The following BPIFB4 variants were observed in gnomAD, a reference collection of about 807,000 sequenced individuals.
The protein encoded by BPIFB4 is BPI fold-containing family B member 4.
Under a neutral mutation model 69.2 loss-of-function variants are expected in BPIFB4, and 62 were observed. The observed-to-expected ratio is 0.90, with a 90% CI of 0.73 to 1.11. The LOEUF (loss-of-function observed/expected upper bound fraction) is 1.11, where lower values mean the gene tolerates loss of function less well. Among genes scored for constraint, BPIFB4 ranks in the 50% least tolerant of loss-of-function variants. The pLI is 0.00. For missense variants in BPIFB4, 789 were observed against 792.0 expected, an observed-to-expected ratio of 1.00 and a Z score of 0.04; for synonymous variants, 330 against 332.7, an observed-to-expected ratio of 0.99 and a Z score of 0.09.
intron 14 of BPIFB4, among the ~76,000 whole-genome samples, chr20:33,102,550 GC>G (rs963549147): frequency 2.0e-5 from 3 of 152,228 alleles, no homozygotes; most frequent in Non-Finnish European, 4.4e-5. Context: ...TTACCCTGGA[GC>G]CTGCTCCACT....
At chr20:33,089,723 C>A (rs1255053817) in intron 9 of BPIFB4, among the ~76,000 whole-genome samples, 165 bp downstream of exon 9, 1 of 75,294 alleles carries the variant, frequency 1.3e-5, no homozygotes, top group Non-Finnish European at 2.7e-5. Flanking sequence ...CCTCTTGCTC[C>A]CAAACACCCC....
At chr20:33,086,796 C>T (rs1266663397) in intron 7 of BPIFB4, among the ~76,000 whole-genome samples, 1 of 152,160 alleles carries the variant, frequency 6.6e-6, no homozygotes, top group Admixed American at 6.5e-5. Context: ...AGTCTCCATC[C>T]TCTGGCGAAG....
intron 15 of BPIFB4, among the ~76,000 whole-genome samples, chr20:33,103,323 C>A (rs1981956665): frequency 2.0e-5 from 3 of 151,634 alleles, no homozygotes; most frequent in Admixed American, 6.6e-5. Context: ...GGTGGGGAGG[C>A]ACAGTGGGCA....
chr20:33,097,945 T>C (rs1340043772), intron 13 of BPIFB4, among the ~76,000 whole-genome samples, 158 bp downstream of exon 13: 2 of 152,042 alleles, frequency 1.3e-5, no homozygotes, highest in African/African-American at 4.8e-5. Flanking sequence ...ATCTAGCCTT[T>C]ACCACTTCCA....
intron 10 of BPIFB4, 86 bp downstream of exon 10, chr20:33,090,885 G>A: frequency 6.6e-7 from 1 of 1,508,534 alleles, no homozygotes; most frequent in Non-Finnish European, 9.1e-7. Flanking sequence ...GGCTTCTGCT[G>A]AATGCCTGGG....
intron 3 of BPIFB4, 110 bp downstream of exon 3, chr20:33,081,742 G>T (rs1347986561): frequency 1.4e-6 from 2 of 1,475,360 alleles, no homozygotes; most frequent in African/African-American, 2.8e-5. Flanking sequence ...ACATCGGGAG[G>T]CTGGGTGAAT....
intron 16 of BPIFB4, among the ~76,000 whole-genome samples, chr20:33,107,239 A>AAGG (rs1407657540): frequency 4.1e-5 from 4 of 98,676 alleles, no homozygotes; most frequent in Non-Finnish European, 7.2e-5. Context: ...GGAAGGAAGG[A>AAGG]AAGAAAAGAA....
chr20:33,097,942 C>T (rs1981802152), intron 13 of BPIFB4, among the ~76,000 whole-genome samples, 155 bp downstream of exon 13: 1 of 152,126 alleles, frequency 6.6e-6, no homozygotes, highest in South Asian at 2.1e-4. Flanking sequence ...CAAATCTAGC[C>T]TTTACCACTT....
chr20:33,081,366 T>C (rs1489815165), intron 2 of BPIFB4, 146 bp from the exon 3 acceptor site: 1 of 1,386,552 alleles, frequency 7.2e-7, no homozygotes, highest in East Asian at 2.6e-5. Flanking sequence ...TTCTGGACCC[T>C]GCCTTAGTAT....
chr20:33,108,639 C>A (rs1486601198), intron 17 of BPIFB4, among the ~76,000 whole-genome samples: 1 of 151,966 alleles, frequency 6.6e-6, no homozygotes, highest in African/African-American at 2.4e-5. Context: ...CTCCAAGCCT[C>A]CATTTATTTC....
chr20:33,107,879 G>T, intron 17 of BPIFB4, 59 bp downstream of exon 17: 1 of 1,442,756 alleles, frequency 6.9e-7, no homozygotes, highest in South Asian at 1.2e-5. Context: ...CATCACCTTT[G>T]ACCACTGCAT....
rs780437495 is a variant in BPIFB4 at position 33,090,712 on chromosome 20, G to A, written c.1056G>A (p.Leu352=). The A allele has an allele frequency of 2.5e-6, 4 of 1,614,090 alleles. No individual in the cohort carries two copies. The African/African-American group carries it at 4.0e-5, about 16-fold the overall frequency. Residue 352 remains leucine (L), a synonymous_variant, in exon 10 of 18, where the codon CTG becomes CTA. Coordinates refer to ENST00000375483, the MANE Select transcript of BPIFB4 (RefSeq NM_182519.3). ...GACCCTCTCCTTTGCCTGCAGCTCTGATTCCTCTGGGGATATTGGGAAGTG... is the reference window on the plus strand; with the variant it reads ...GACCCTCTCCTTTGCCTGCAGCTCTAATTCCTCTGGGGATATTGGGAAGTG... ...VNDQLGLVDS[L]IPLGILGSVQ...
chr20:33,083,675 G>A lies in BPIFB4; in HGVS notation c.478G>A (p.Gly160Arg). Reference protein sequence around the residue: ...RELQPGEIPPGVATGAVGPGG... With the variant: ...RELQPGEIPPRVATGAVGPGG... ...GCTGCAGCCTGGAGAAATCCCACCT[G>A]GAGTTGCCACTGGGGCGGTGGGCCC... The change falls in exon 5 of 18, where the codon GGA becomes AGA. Residue 160 changes from glycine (G) to arginine (R), a missense_variant. Gly to Arg is a moderately radical substitution (Grantham distance 125, BLOSUM62 -2). Transcript: ENST00000375483. 6.2e-7 allele frequency: 1 copy of A among 1,614,108 alleles called. No homozygotes were observed. Among genetic ancestry groups the A allele is most frequent in the African/African-American group, 1.3e-5 (1 of 75,026 alleles).
chr20:33,082,897 A>G (rs1471209801), intron 3 of BPIFB4, 41 bp from the exon 4 acceptor site: 5 of 1,581,884 alleles, frequency 3.2e-6, no homozygotes, highest in Admixed American at 1.7e-5. Context: ...GAGGTGGAAA[A>G]AAGGGAGGAA....
Position 33,108,923 on chromosome 20 carries a change from G to A in BPIFB4, c.1821+1103G>A, listed in dbSNP as rs75106956. Among the ~76,000 whole-genome samples the A allele has an allele frequency of 6.4e-3, 980 of 152,170 alleles. 2 individuals carry two copies. Among genetic ancestry groups the A allele is most frequent in the Non-Finnish European group, 0.012 (797 of 68,018 alleles). On this transcript the variant is annotated intron_variant, in intron 17 of 17. Transcript: ENST00000375483. ...GTGCCAGATTGACAATTTCCTTGCC[G>A]AAGGAAATTGCCCCCTCACATTTGC...
chr20:33,104,631 G>C, intron 15 of BPIFB4, 179 bp from the exon 16 acceptor site: 1 of 576,126 alleles, frequency 1.7e-6, no homozygotes, highest in Non-Finnish European at 3.1e-6. Context: ...AAGTTGATGG[G>C]GGGCACCTTA....
In BPIFB4 at chr20:33,100,446, A is replaced by G. The variant is rs1255944389; in HGVS notation, c.1590A>G (p.Ser530=). Residue 530 remains serine (S), a synonymous_variant, in exon 14 of 18, where the codon TCA becomes TCG. Coordinates refer to ENST00000375483, the MANE Select transcript of BPIFB4 (RefSeq NM_182519.3). ...LIDVDTEFLA[S]FSTEGDKLMI... ...TCCAGGACACAGAATTCTTGGCCTC[A>G]TTTTCCACAGAAGGAGATAAGCTCA... is the stretch of plus-strand genomic sequence containing the variant. The G allele has an allele frequency of 3.7e-6, 6 of 1,605,150 alleles. No individual in the cohort carries two copies. In the African/African-American group the frequency reaches 4.0e-5, roughly 11 times the overall value.
At chr20:33,081,469 G>A (rs1479315502) in intron 2 of BPIFB4, 43 bp from the exon 3 acceptor site, 1 of 1,544,138 alleles carries the variant, frequency 6.5e-7, no homozygotes, top group East Asian at 2.4e-5. Flanking sequence ...GGCCAGGGTG[G>A]TGGCGCCCAG....
intron 17 of BPIFB4, among the ~76,000 whole-genome samples, chr20:33,110,580 G>C (rs758219207): frequency 2.6e-5 from 4 of 152,122 alleles, no homozygotes; most frequent in Admixed American, 2.0e-4. Context: ...CAGTGTTCAC[G>C]GTTTTGTCTG....
Sources: allele counts gnomAD v4.1 joint callset (sites outside exome capture counted in the v4.1 genomes callset), GRCh38; gene constraint gnomAD v4.1.1; transcripts MANE v1.5; gene names NCBI Gene and HGNC (gene_info 2026-07-23, HGNC 2026-07-21).